CBLN2: variants seen among roughly 807,000 people sequenced by gnomAD.
CBLN2 encodes the protein cerebellin 2 precursor.
A neutral mutation model predicts 15.0 loss-of-function variants in CBLN2; 7 were observed. That is an observed-to-expected ratio of 0.47 (90% CI 0.27 to 0.88). The LOEUF (loss-of-function observed/expected upper bound fraction) is 0.88, where lower values mean the gene tolerates loss of function less well. Among genes scored for constraint, CBLN2 ranks in the 40% least tolerant of loss-of-function variants. CBLN2 has a pLI of 0.14. For synonymous variants in CBLN2, 149 were observed against 135.2 expected (o/e 1.10, Z -0.71); for missense variants, 242 against 304.5 (o/e 0.79, Z 1.53).
chr18:72,564,415 G>C (rs1305143580), intron 1 of CBLN2, among the ~76,000 whole-genome samples: 1 of 151,928 alleles, frequency 6.6e-6, no homozygotes, highest in African/African-American at 2.4e-5. Context: ...TAAAAATACA[G>C]TCGAGAGCTT....
chr18:72,569,881 C>A (rs373449879), intron 1 of CBLN2, among the ~76,000 whole-genome samples: 3 of 152,168 alleles, frequency 2.0e-5, no homozygotes, highest in African/African-American at 4.8e-5. Flanking sequence ...TTGGAGGGAA[C>A]AAACACCCAA....
intron 1 of CBLN2, among the ~76,000 whole-genome samples, chr18:72,627,638 A>G (rs972615314): frequency 2.0e-5 from 3 of 152,236 alleles, no homozygotes; most frequent in Admixed American, 6.5e-5. Flanking sequence ...AGGACACTGT[A>G]TTTATAACAA....
intron 1 of CBLN2, among the ~76,000 whole-genome samples, chr18:72,593,568 G>A (rs912308494): frequency 6.6e-6 from 1 of 152,146 alleles, no homozygotes; most frequent in African/African-American, 2.4e-5. Flanking sequence ...GATAAAACAG[G>A]CATTCCTGTC....
intron 1 of CBLN2, chr18:72,619,291 C>T (rs1348632518): frequency 1.5e-6 from 1 of 659,594 alleles, no homozygotes; most frequent in Non-Finnish European, 2.6e-6. Flanking sequence ...CTACAGGTTA[C>T]AACAGAATTG....
Position 72,621,047 on chromosome 18 carries a change from A to T in CBLN2, c.15+17278T>A, listed in dbSNP as rs189887425. Among the ~76,000 whole-genome samples, 517 of 152,252 alleles carry T rather than the reference A, an allele frequency of 3.4e-3. 6 individuals are homozygous for T. The highest frequency in any genetic ancestry group is 0.012 in the African/African-American group (502 of 41,532). On this transcript the variant is annotated intron_variant, in intron 1 of 2. Transcript: ENST00000581073. ...TATTGTTAATATAAATATCTCAGAA[A>T]CTGTATGCTGGATTGGAATTACATG...
At chr18:72,589,154 T>C (rs2069462036) in intron 1 of CBLN2, among the ~76,000 whole-genome samples, 1 of 152,134 alleles carries the variant, frequency 6.6e-6, no homozygotes, top group African/African-American at 2.4e-5. Flanking sequence ...ACTGAAATCC[T>C]GGATGGCCAA....
Position 72,542,177 on chromosome 18 carries a change from C to T in CBLN2, c.-17G>A. 3.3e-6 allele frequency: 4 copies of T among 1,215,416 alleles called. No individual in the cohort carries two copies. The highest frequency in any genetic ancestry group is 4.1e-6 in the Non-Finnish European group (4 of 979,232). The allele number at this position is 1,215,416 out of a possible 1,614,324, so 75.3% of individuals were successfully genotyped here. A position where few individuals can be genotyped will look rare whatever the true frequency, so the allele number is the denominator to read the frequency against. On this transcript the variant is annotated 5_prime_UTR_variant, in exon 3 of 5. Transcript: ENST00000269503. Reference sequence around the variant, plus strand: ...CGCCTGCATCGGGACTGGTGGGAGGCGGCGCGCGGGGGTGGAGGCCGGCGC... The same window carrying T: ...CGCCTGCATCGGGACTGGTGGGAGGTGGCGCGCGGGGGTGGAGGCCGGCGC...
chr18:72,632,353 G>A (rs2069782831), intron 1 of CBLN2, among the ~76,000 whole-genome samples: 1 of 152,078 alleles, frequency 6.6e-6, no homozygotes, highest in African/African-American at 2.4e-5. Flanking sequence ...GAAAAATTTA[G>A]TGATTTAAAA....
rs543786104 is a variant in CBLN2, at chr18:72,637,162, G to A, written c.15+1163C>T. Among the ~76,000 whole-genome samples the A allele has an allele frequency of 4.0e-5, 6 of 151,872 alleles. No individual in the cohort carries two copies. The East Asian group carries it at 1.2e-3, about 29-fold the overall frequency. ...GAATTTTGAAACTTAGCAACTCTGA[G>A]AAACAATTGTATTGTATTTTCCGCA... On this transcript the variant is annotated intron_variant, in intron 1 of 2. Transcript: ENST00000581073.
chr18:72,573,818 A>ACTGT (rs2069347140), intron 1 of CBLN2, among the ~76,000 whole-genome samples: 1 of 152,348 alleles, frequency 6.6e-6, no homozygotes, highest in East Asian at 1.9e-4. Context: ...GGTGGGTACA[A>ACTGT]CTGTCGCATC....
intron 1 of CBLN2, among the ~76,000 whole-genome samples, chr18:72,583,894 A>C (rs989331092): frequency 5.3e-5 from 8 of 152,234 alleles, no homozygotes; most frequent in Non-Finnish European, 1.2e-4. Flanking sequence ...CACACTTGAA[A>C]GCCATTGATC....
At chr18:72,607,485 T>C (rs2069590893) in intron 1 of CBLN2, among the ~76,000 whole-genome samples, 1 of 152,242 alleles carries the variant, frequency 6.6e-6, no homozygotes, top group Non-Finnish European at 1.5e-5. Context: ...ACCTTCTTTG[T>C]ATTCAAGCTG....
intron 1 of CBLN2, among the ~76,000 whole-genome samples, chr18:72,572,641 A>G (rs1315179536): frequency 6.6e-6 from 1 of 151,846 alleles, no homozygotes; most frequent in Non-Finnish European, 1.5e-5. Context: ...CTGGTCTTCA[A>G]CTCCTAGCCT....
chr18:72,538,054 TACTGCA>T lies in CBLN2; in HGVS notation c.*116_*121del. 1 of 941,546 alleles carries T rather than the reference TACTGCA, an allele frequency of 1.1e-6. No individual in the cohort carries two copies. The highest frequency in any genetic ancestry group is 1.6e-6 in the Non-Finnish European group (1 of 611,632). The allele number at this position is 941,546 out of a possible 1,614,324, so 58.3% of individuals were successfully genotyped here. A position where few individuals can be genotyped will look rare whatever the true frequency, so the allele number is the denominator to read the frequency against. On this transcript the variant is annotated 3_prime_UTR_variant, in exon 5 of 5. Transcript: ENST00000269503. Reference sequence around the variant, plus strand: ...GAGGTTTCAAAGGAAATCATTCTTCTACTGCAACAGTCTGACGGAGGTTGGAAACAA... The same window carrying T: ...GAGGTTTCAAAGGAAATCATTCTTCTACAGTCTGACGGAGGTTGGAAACAA...
intron 1 of CBLN2, among the ~76,000 whole-genome samples, chr18:72,584,722 G>A (rs1464557270): frequency 6.6e-6 from 1 of 152,122 alleles, no homozygotes; most frequent in Non-Finnish European, 1.5e-5. Context: ...GACATAATAG[G>A]TACACAATAA....
At chr18:72,631,256 G>T (rs2069774515) in intron 1 of CBLN2, among the ~76,000 whole-genome samples, 1 of 152,008 alleles carries the variant, frequency 6.6e-6, no homozygotes, top group African/African-American at 2.4e-5. Context: ...GCTATTTATG[G>T]CAGTTAAGCT....
intron 1 of CBLN2, chr18:72,620,226 T>A (rs1454298760): frequency 6.6e-6 from 1 of 152,260 alleles, no homozygotes; most frequent in Non-Finnish European, 1.5e-5. Flanking sequence ...CTTCCACTAC[T>A]GAGGGCAAAG....
intron 1 of CBLN2, among the ~76,000 whole-genome samples, chr18:72,614,310 C>A (rs187241265): frequency 6.6e-6 from 1 of 152,094 alleles, no homozygotes; most frequent in Non-Finnish European, 1.5e-5. Context: ...GGTAACACAT[C>A]GAACTTTTGT....
At chr18:72,559,635 A>T (rs1373422343) in intron 1 of CBLN2, among the ~76,000 whole-genome samples, 1 of 152,272 alleles carries the variant, frequency 6.6e-6, no homozygotes, top group Non-Finnish European at 1.5e-5. Context: ...AGAGATTTGA[A>T]GAAAGCACTT....
Sources: gnomAD v4.1 joint callset for allele counts (sites outside exome capture counted in the v4.1 genomes callset) on GRCh38, gnomAD v4.1.1 for gene constraint, MANE v1.5 for transcripts, NCBI Gene and HGNC (gene_info 2026-07-23, HGNC 2026-07-21) for gene names.